The following NRXN3 variants were observed in gnomAD, a reference collection of about 807,000 sequenced individuals.
NRXN3 encodes the protein neurexin III.
A neutral mutation model predicts 137.6 loss-of-function variants in NRXN3; 32 were observed. The ratio of observed to expected loss-of-function variants is 0.23; its 90% CI spans 0.18 to 0.31. The LOEUF is 0.31. Among genes scored for constraint, NRXN3 ranks in the 10% least tolerant of loss-of-function variants. The pLI is 1.00. For missense variants in NRXN3, 1,574 were observed against 2,062.5 expected (o/e 0.76, Z 4.59); for synonymous variants, 798 against 784.5 (o/e 1.02, Z -0.29).
At chr14:79,766,796 G>A (rs2099057433) in intron 19 of NRXN3, among the ~76,000 whole-genome samples, 1 of 152,198 alleles carries the variant, frequency 6.6e-6, no homozygotes, top group Non-Finnish European at 1.5e-5. Context: ...GGGTTAGCAG[G>A]CAGGCAGGAA....
intron 17 of NRXN3, among the ~76,000 whole-genome samples, chr14:79,665,935 T>C (rs1240046540): frequency 6.6e-6 from 1 of 152,146 alleles, no homozygotes; most frequent in Non-Finnish European, 1.5e-5. Flanking sequence ...ATATGTGTTA[T>C]TATTTCAGGA....
chr14:79,445,997 T>G (rs1292462656), intron 15 of NRXN3, among the ~76,000 whole-genome samples: 2 of 152,192 alleles, frequency 1.3e-5, no homozygotes, highest in African/African-American at 4.8e-5. Flanking sequence ...ATTTATTGAT[T>G]TAACAATATT....
intron 1 of NRXN3, among the ~76,000 whole-genome samples, chr14:78,208,889 TG>T (rs2062467838): frequency 2.0e-5 from 3 of 152,214 alleles, no homozygotes; most frequent in Non-Finnish European, 4.4e-5. Context: ...TTCGCGTATG[TG>T]TCCCCATGAC....
At chr14:78,780,226 C>T (rs756128797) in intron 8 of NRXN3, among the ~76,000 whole-genome samples, 4 of 151,894 alleles carry the variant, frequency 2.6e-5, no homozygotes, top group Non-Finnish European at 5.9e-5. Context: ...ACTAGTCAAC[C>T]TATGATGCTG....
At chr14:79,032,210 T>TCACACATG (rs2099609373) in intron 15 of NRXN3, among the ~76,000 whole-genome samples, 2 of 152,250 alleles carry the variant, frequency 1.3e-5, no homozygotes, top group South Asian at 4.1e-4. Context: ...CTCTGAAAAA[T>TCACACATG]CACACATGCC....
chr14:79,141,906 G>A (rs2058816715), intron 15 of NRXN3, among the ~76,000 whole-genome samples: 1 of 152,144 alleles, frequency 6.6e-6, no homozygotes, highest in Non-Finnish European at 1.5e-5. Flanking sequence ...TTATGAAAAT[G>A]TCATAAACAA....
At chr14:78,442,468 C>A (rs767171299) in intron 4 of NRXN3, among the ~76,000 whole-genome samples, 1 of 152,186 alleles carries the variant, frequency 6.6e-6, no homozygotes, top group Non-Finnish European at 1.5e-5. Context: ...GCCCTGCCAA[C>A]ACCTAGATTT....
chr14:79,508,205 T>C (rs1001774179), intron 16 of NRXN3, among the ~76,000 whole-genome samples: 4 of 151,888 alleles, frequency 2.6e-5, no homozygotes, highest in Non-Finnish European at 5.9e-5. Context: ...GTTAGTGAAA[T>C]AATGTACATG....
intron 4 of NRXN3, among the ~76,000 whole-genome samples, chr14:78,615,796 T>C (rs28491815): frequency 2.0e-5 from 3 of 152,030 alleles, no homozygotes; most frequent in Admixed American, 6.5e-5. Flanking sequence ...AAACAATTAG[T>C]TGGATGTGGG....
chr14:79,477,419 T>C (rs2098598836), intron 16 of NRXN3, among the ~76,000 whole-genome samples: 1 of 152,170 alleles, frequency 6.6e-6, no homozygotes, highest in African/African-American at 2.4e-5. Context: ...AAAATGCAGA[T>C]GGCAATAATG....
intron 16 of NRXN3, among the ~76,000 whole-genome samples, chr14:79,560,596 C>T (rs1418582549): frequency 2.8e-5 from 4 of 144,414 alleles, no homozygotes; most frequent in East Asian, 2.1e-4. Flanking sequence ...CTGCAACCTC[C>T]GCCTCTTGGG....
chr14:78,589,288 C>A (rs1236699802), intron 4 of NRXN3, among the ~76,000 whole-genome samples: 1 of 152,172 alleles, frequency 6.6e-6, no homozygotes, highest in Non-Finnish European at 1.5e-5. Context: ...CCTAAGCAGG[C>A]TGCTGCCTTT....
chr14:78,259,888 C>T (rs35453282), intron 2 of NRXN3, among the ~76,000 whole-genome samples: 34,870 of 151,986 alleles, frequency 0.23, 4,370 homozygotes, highest in Middle Eastern at 0.34. Context: ...TAAGTCAGAA[C>T]GGGGAGCCTA....
intron 19 of NRXN3, among the ~76,000 whole-genome samples, chr14:79,798,571 A>C (rs879606751): frequency 2.6e-5 from 4 of 152,174 alleles, no homozygotes; most frequent in Non-Finnish European, 4.4e-5. Context: ...TGTGTTATTT[A>C]TAATTTCATA....
At chr14:79,382,739 T>G (rs997621803) in intron 15 of NRXN3, among the ~76,000 whole-genome samples, 1 of 152,012 alleles carries the variant, frequency 6.6e-6, no homozygotes, top group Non-Finnish European at 1.5e-5. Context: ...ACATATGAAT[T>G]TACTCTATTG....
intron 10 of NRXN3, among the ~76,000 whole-genome samples, chr14:78,889,118 AG>A (rs1262215025): frequency 6.6e-6 from 1 of 152,036 alleles, no homozygotes; most frequent in African/African-American, 2.4e-5. Flanking sequence ...AGCAAGATGC[AG>A]GACTAGTTTA....
chr14:79,625,593 C>A (rs1404764866), intron 16 of NRXN3, among the ~76,000 whole-genome samples: 1 of 149,456 alleles, frequency 6.7e-6, no homozygotes, highest in Non-Finnish European at 1.5e-5. Context: ...ATTCCCTGAA[C>A]TTCACTCTAT....
intron 10 of NRXN3, among the ~76,000 whole-genome samples, chr14:78,855,203 G>T (rs1346047725): frequency 1.3e-5 from 2 of 151,480 alleles, no homozygotes; most frequent in Non-Finnish European, 2.9e-5. Context: ...TATGACTATA[G>T]CCCTTTTTCT....
intron 19 of NRXN3, among the ~76,000 whole-genome samples, chr14:79,781,308 G>A (rs947754693): frequency 6.6e-6 from 1 of 152,158 alleles, no homozygotes; most frequent in Non-Finnish European, 1.5e-5. Context: ...TGAAGAATAG[G>A]TATGAGGTAG....
Sources: gnomAD v4.1 joint callset for allele counts (sites outside exome capture counted in the v4.1 genomes callset) on GRCh38, gnomAD v4.1.1 for gene constraint, MANE v1.5 for transcripts, NCBI Gene and HGNC (gene_info 2026-07-23, HGNC 2026-07-21) for gene names.